The following SOX5 variants were observed in gnomAD, a reference collection of about 807,000 sequenced individuals.
SOX5 encodes transcription factor SOX-5.
Under a neutral mutation model 92.0 loss-of-function variants are expected in SOX5, and 9 were observed. That is an observed-to-expected ratio of 0.10 (90% CI 0.06 to 0.17). SOX5 has a LOEUF of 0.17. SOX5 is among the 10% of genes least tolerant of loss of function. The probability of loss-of-function intolerance (pLI) is 1.00; values close to 1 mark genes in which losing one functional copy is unlikely to be tolerated. For synonymous variants in SOX5, 344 were observed against 336.3 expected (o/e 1.02, Z -0.25); for missense variants, 642 against 944.5 (o/e 0.68, Z 4.20).
intron 4 of SOX5, among the ~76,000 whole-genome samples, chr12:24,208,159 C>A (rs147248797): frequency 1.2e-4 from 19 of 152,282 alleles, no homozygotes; most frequent in Middle Eastern, 3.4e-3. Flanking sequence ...TCACGCCTGA[C>A]TTTCCTGAAC....
chr12:24,143,283 C>A (rs1477420826), intron 4 of SOX5, among the ~76,000 whole-genome samples: 1 of 152,108 alleles, frequency 6.6e-6, no homozygotes, highest in Non-Finnish European at 1.5e-5. Flanking sequence ...ATGAGGTAAA[C>A]TTCACCAAAT....
At chr12:23,881,710 G>A (rs1007068007) in intron 2 of SOX5, among the ~76,000 whole-genome samples, 2 of 152,088 alleles carry the variant, frequency 1.3e-5, no homozygotes, top group East Asian at 3.9e-4. Flanking sequence ...TATTCCTACC[G>A]GCATAAATCT....
intron 13 of SOX5, among the ~76,000 whole-genome samples, chr12:23,542,533 TAC>T (rs1942302514): frequency 6.6e-6 from 1 of 152,240 alleles, no homozygotes; most frequent in African/African-American, 2.4e-5. Context: ...TCCTGTGTGC[TAC>T]AGTCTCTGTG....
upstream of SOX5, among the ~76,000 whole-genome samples, chr12:23,955,053 C>T (rs1412397252): frequency 2.0e-5 from 3 of 151,982 alleles, no homozygotes; most frequent in Non-Finnish European, 4.4e-5. Context: ...ATCCCAATTA[C>T]GAATGAGGAA....
At chr12:24,549,806 C>G (rs913912269) in intron 1 of SOX5, among the ~76,000 whole-genome samples, 1 of 152,106 alleles carries the variant, frequency 6.6e-6, no homozygotes, top group Non-Finnish European at 1.5e-5. Context: ...CCCAGGCACT[C>G]TGAATGTTGG....
chr12:23,571,243 A>G (rs1948334669), intron 10 of SOX5, among the ~76,000 whole-genome samples: 1 of 151,946 alleles, frequency 6.6e-6, no homozygotes, highest in Admixed American at 6.6e-5. Context: ...TCGTGTCTTA[A>G]CCTGGCATGT....
At chr12:24,058,618 T>A in intron 4 of SOX5, among the ~76,000 whole-genome samples, 1 of 152,246 alleles carries the variant, frequency 6.6e-6, no homozygotes, top group East Asian at 1.9e-4. Flanking sequence ...AAGAAAAAAA[T>A]TCTGTAAGTA....
chr12:24,556,770 C>T (rs1196330807), intron 1 of SOX5, among the ~76,000 whole-genome samples: 1 of 152,160 alleles, frequency 6.6e-6, no homozygotes, highest in Non-Finnish European at 1.5e-5. Context: ...TTCACACTTG[C>T]ACCAAATACA....
At chr12:23,645,086 A>G (rs945219578) in intron 7 of SOX5, among the ~76,000 whole-genome samples, 14 of 152,202 alleles carry the variant, frequency 9.2e-5, no homozygotes, top group African/African-American at 3.4e-4. Flanking sequence ...CTTGGTCTGT[A>G]TTTACTGCAT....
chr12:24,528,580 C>G (rs1950914592), intron 1 of SOX5, among the ~76,000 whole-genome samples: 1 of 152,206 alleles, frequency 6.6e-6, no homozygotes, highest in Non-Finnish European at 1.5e-5. Flanking sequence ...ACTGATATAT[C>G]ACTATCCCTT....
intron 1 of SOX5, among the ~76,000 whole-genome samples, chr12:23,945,667 A>G (rs1441319727): frequency 6.6e-6 from 1 of 152,198 alleles, no homozygotes; most frequent in Non-Finnish European, 1.5e-5. Flanking sequence ...TAAAATATAA[A>G]TAAAATTATC....
chr12:23,754,866 T>C (rs537333505), intron 4 of SOX5, among the ~76,000 whole-genome samples: 11 of 151,968 alleles, frequency 7.2e-5, no homozygotes, highest in Non-Finnish European at 1.2e-4. Context: ...ACCAAAAATG[T>C]ACACAGTAAT....
At chr12:23,915,074 C>T (rs966886221) in intron 1 of SOX5, among the ~76,000 whole-genome samples, 6 of 152,060 alleles carry the variant, frequency 3.9e-5, no homozygotes. Context: ...TCTTTCCTAC[C>T]TCTGTGACCT....
At chr12:23,993,904 T>TGTATGC (rs1950794479) in intron 4 of SOX5, among the ~76,000 whole-genome samples, 2 of 149,280 alleles carry the variant, frequency 1.3e-5, no homozygotes, top group African/African-American at 5.0e-5. Flanking sequence ...TGTATGTATG[T>TGTATGC]ATGTATGTAT....
intron 4 of SOX5, among the ~76,000 whole-genome samples, chr12:23,967,207 C>T (rs573983031): frequency 3.9e-4 from 60 of 152,074 alleles, no homozygotes; most frequent in African/African-American, 1.3e-3. Flanking sequence ...TTTGAAAAGT[C>T]GACACTAGGT....
At chr12:23,592,599 T>C (rs1370565135) in intron 9 of SOX5, among the ~76,000 whole-genome samples, 1 of 152,194 alleles carries the variant, frequency 6.6e-6, no homozygotes, top group Non-Finnish European at 1.5e-5. Context: ...ATTCTTGATA[T>C]TTAGAAACTT....
At chr12:23,929,532 A>C (rs1046680138) in intron 1 of SOX5, among the ~76,000 whole-genome samples, 2 of 151,940 alleles carry the variant, frequency 1.3e-5, no homozygotes, top group African/African-American at 2.4e-5. Flanking sequence ...TCCAATACAG[A>C]AAAGAGAAAA....
At chr12:24,116,830 A>G (rs1948057153) in intron 4 of SOX5, among the ~76,000 whole-genome samples, 1 of 152,232 alleles carries the variant, frequency 6.6e-6, no homozygotes. Context: ...TTTTGATGAC[A>G]GTATTTAAAA....
At chr12:24,034,002 ATATTT>A (rs1955771079) in intron 4 of SOX5, among the ~76,000 whole-genome samples, 1 of 152,042 alleles carries the variant, frequency 6.6e-6, no homozygotes, top group Non-Finnish European at 1.5e-5. Flanking sequence ...AGTCCAGTCT[ATATTT>A]TATAAGTCCA....
Sources: allele counts gnomAD v4.1 joint callset (sites outside exome capture counted in the v4.1 genomes callset), GRCh38; gene constraint gnomAD v4.1.1; transcripts MANE v1.5; gene names NCBI Gene and HGNC (gene_info 2026-07-23, HGNC 2026-07-21).